P4HA1: variants seen among roughly 807,000 people sequenced by gnomAD.
P4HA1 encodes the protein prolyl 4-hydroxylase subunit alpha-1.
A neutral mutation model predicts 72.8 loss-of-function variants in P4HA1; 24 were observed. The observed-to-expected ratio is 0.33, with a 90% CI of 0.24 to 0.46. The LOEUF is 0.46. Ranked by LOEUF, P4HA1 falls within the 20% of genes least tolerant of loss-of-function variation. The pLI is 1.00. For missense variants in P4HA1, 446 were observed against 640.6 expected, an observed-to-expected ratio of 0.70 and a Z score of 3.28; for synonymous variants, 201 against 218.8, an observed-to-expected ratio of 0.92 and a Z score of 0.72.
At chr10:73,091,916 G>A (rs1296374963) in intron 1 of P4HA1, among the ~76,000 whole-genome samples, 1 of 152,170 alleles carries the variant, frequency 6.6e-6, no homozygotes, top group Non-Finnish European at 1.5e-5. Flanking sequence ...ATACTCAAAA[G>A]CTGGCTTTAG....
rs200285096 is a variant in P4HA1, at chr10:73,053,419, C to T, written c.635G>A (p.Ser212Asn). The T allele has an allele frequency of 2.8e-5, 45 of 1,613,884 alleles. No homozygotes were observed. Among genetic ancestry groups the T allele is most frequent in the Non-Finnish European group, 3.8e-5 (45 of 1,179,870 alleles). ...GTCTCCCTGCTGATATACCGCATAG[C>T]TCAAATAATCTAGAACAGAGACTTT... ...IDKVSVLDYL[S>N]YAVYQQGDLD... The change falls in exon 6 of 15, where the codon AGC becomes AAC. Residue 212 changes from serine (S) to asparagine (N), a missense_variant. Ser to Asn is a conservative substitution (Grantham distance 46). Coordinates refer to ENST00000394890, the MANE Select transcript of P4HA1 (RefSeq NM_001017962.3).
chr10:73,072,326 G>A (rs543148847), intron 3 of P4HA1, 146 bp from the exon 4 acceptor site: 8 of 604,068 alleles, frequency 1.3e-5, no homozygotes, highest in South Asian at 1.2e-4. Flanking sequence ...ATACGGTCTC[G>A]GTCTCTTTAA....
intron 12 of P4HA1, 57 bp from the exon 13 acceptor site, chr10:73,011,094 C>A: frequency 1.6e-6 from 2 of 1,278,558 alleles, no homozygotes; most frequent in South Asian, 2.5e-5. Context: ...TAAAACATGC[C>A]ATTATATAGA....
intron 1 of P4HA1, among the ~76,000 whole-genome samples, chr10:73,093,907 T>C (rs9787672): frequency 0.055 from 3,056 of 55,102 alleles, 162 homozygotes; most frequent in African/African-American, 0.21. Flanking sequence ...TATATATATA[T>C]ACACACACAC....
At chr10:73,052,913 G>A (rs1841052378) in intron 6 of P4HA1, among the ~76,000 whole-genome samples, 1 of 152,102 alleles carries the variant, frequency 6.6e-6, no homozygotes, top group Non-Finnish European at 1.5e-5. Context: ...TCTGTTCAAA[G>A]TACTACTGAT....
chr10:73,038,328 A>G (rs1200223547), intron 9 of P4HA1, among the ~76,000 whole-genome samples: 3 of 152,204 alleles, frequency 2.0e-5, no homozygotes, highest in African/African-American at 7.2e-5. Flanking sequence ...TACATTCATG[A>G]TATCATAAAT....
Position 73,061,890 on chromosome 10 carries a change from G to C in P4HA1, c.463+6956C>G, listed in dbSNP as rs117483736. Among the ~76,000 whole-genome samples, 136 of 151,862 alleles carry C rather than the reference G, an allele frequency of 9.0e-4. No homozygotes were observed. The East Asian group carries it at 9.5e-3, about 11-fold the overall frequency. On this transcript the variant is annotated intron_variant, in intron 5 of 14. Transcript: ENST00000394890. ...AAAAATCAGCCAGGTGTGGTGGCACGCACCTATAGTCCCAGCTGTTCAGGA... is the reference window on the plus strand; with the variant it reads ...AAAAATCAGCCAGGTGTGGTGGCACCCACCTATAGTCCCAGCTGTTCAGGA...
At chr10:73,028,474 C>T (rs957469566) in intron 10 of P4HA1, among the ~76,000 whole-genome samples, 2 of 152,050 alleles carry the variant, frequency 1.3e-5, no homozygotes. Context: ...TCTCGTTGCC[C>T]AGGCTGGAGT....
chr10:73,069,397 A>G (rs1184525948), intron 4 of P4HA1, among the ~76,000 whole-genome samples: 2 of 152,226 alleles, frequency 1.3e-5, no homozygotes, highest in Admixed American at 6.5e-5. Flanking sequence ...TAAGTAAAAT[A>G]TGTGCTCTTA....
chr10:73,055,568 G>A (rs927828457), intron 5 of P4HA1, among the ~76,000 whole-genome samples: 14 of 152,104 alleles, frequency 9.2e-5, no homozygotes, highest in African/African-American at 2.9e-4. Flanking sequence ...CTCTCTTGAT[G>A]GTGCACTTTT....
At chr10:73,022,933 C>A (rs1840171250) in intron 10 of P4HA1, among the ~76,000 whole-genome samples, 1 of 152,026 alleles carries the variant, frequency 6.6e-6, no homozygotes, top group East Asian at 1.9e-4. Flanking sequence ...AGCAAGAAGA[C>A]AAGTTTAGAG....
chr10:73,011,340 C>G (rs1038903590), intron 12 of P4HA1, among the ~76,000 whole-genome samples: 3 of 152,086 alleles, frequency 2.0e-5, no homozygotes, highest in African/African-American at 7.2e-5. Context: ...TGACTTAAAA[C>G]TAATGAGTCA....
At chr10:73,061,684 T>G (rs1416426802) in intron 5 of P4HA1, among the ~76,000 whole-genome samples, 10 of 152,132 alleles carry the variant, frequency 6.6e-5, no homozygotes, top group African/African-American at 1.7e-4. Context: ...GAGGAACACT[T>G]GAGCCCAAGA....
At chr10:73,085,089 C>T (rs1001118654) in intron 1 of P4HA1, among the ~76,000 whole-genome samples, 199 of 152,034 alleles carry the variant, frequency 1.3e-3, no homozygotes, top group African/African-American at 4.7e-3. Context: ...TACTATAAGC[C>T]ATGATTGTGC....
At chr10:73,010,147 T>C (rs1475215919) in intron 13 of P4HA1, among the ~76,000 whole-genome samples, 2 of 152,098 alleles carry the variant, frequency 1.3e-5, no homozygotes, top group African/African-American at 2.4e-5. Context: ...TTTGTATTTT[T>C]AGTAGAGACG....
chr10:73,068,873 C>T lies in P4HA1; in HGVS notation c.436G>A (p.Asp146Asn). Residue 146 changes from aspartate (D) to asparagine (N), a missense_variant, in exon 5 of 15, where the codon GAT becomes AAT. By Grantham distance (23) the Asp-to-Asn change is conservative (BLOSUM62 1). Coordinates refer to ENST00000394890, the MANE Select transcript of P4HA1 (RefSeq NM_001017962.3). ...RLQDTYNLDT[D>N]TISKGNLPGV... Reference sequence around the variant, plus strand: ...GGAAGATTACCCTTTGAGATGGTATCTGTATCCAAATTGTAGGTATCCTGG... The same window carrying T: ...GGAAGATTACCCTTTGAGATGGTATTTGTATCCAAATTGTAGGTATCCTGG... The T allele has an allele frequency of 6.2e-7, 1 of 1,612,622 alleles. No homozygotes were observed. Among genetic ancestry groups the T allele is most frequent in the Non-Finnish European group, 8.5e-7 (1 of 1,178,782 alleles).
At position 73,088,042 on chromosome 10, in the gene P4HA1, A is replaced by G. The variant is rs550762958; in HGVS notation, c.-33+8724T>C. Among the ~76,000 whole-genome samples the G allele has an allele frequency of 3.9e-5, 6 of 152,272 alleles. No homozygotes were observed. In the South Asian group the frequency reaches 1.0e-3, roughly 26 times the overall value. On this transcript the variant is annotated intron_variant, in intron 1 of 14. Coordinates refer to ENST00000394890, the MANE Select transcript of P4HA1 (RefSeq NM_001017962.3). ...TTTCTTTCAAATATTTTATAGCTGT[A>G]CATTTTACTTCACAATCTATGAACA...
chr10:73,062,390 T>C (rs897394490), intron 5 of P4HA1, among the ~76,000 whole-genome samples: 7 of 151,420 alleles, frequency 4.6e-5, no homozygotes, highest in African/African-American at 1.7e-4. Context: ...AAATGACAGG[T>C]ATGTGAAAAA....
intron 5 of P4HA1, among the ~76,000 whole-genome samples, chr10:73,055,041 G>A (rs954159560): frequency 2.0e-5 from 3 of 152,100 alleles, no homozygotes; most frequent in African/African-American, 7.2e-5. Flanking sequence ...CCTGGACAAC[G>A]TAATGAGACC....
Sources: gnomAD v4.1 joint callset for allele counts (sites outside exome capture counted in the v4.1 genomes callset) on GRCh38, gnomAD v4.1.1 for gene constraint, MANE v1.5 for transcripts, NCBI Gene and HGNC (gene_info 2026-07-23, HGNC 2026-07-21) for gene names.